Variants in DNAH8 observed in about 807,000 individuals in gnomAD.
DNAH8 encodes axonemal beta dynein heavy chain 8.
A neutral mutation model predicts 562.1 loss-of-function variants in DNAH8; 382 were observed. The ratio of observed to expected loss-of-function variants is 0.68; its 90% CI spans 0.63 to 0.74. The LOEUF is 0.74. Among genes scored for constraint, DNAH8 ranks in the 30% least tolerant of loss-of-function variants. The pLI, the probability that DNAH8 is intolerant of heterozygous loss-of-function variation, is 0.00. For synonymous variants in DNAH8, 1,881 were observed against 1,919.4 expected (o/e 0.98, Z 0.52); for missense variants, 5,203 against 5,620.4 (o/e 0.93, Z 2.37).
At chr6:38,738,698 G>A (rs781254317) in intron 7 of DNAH8, among the ~76,000 whole-genome samples, 6 of 152,234 alleles carry the variant, frequency 3.9e-5, no homozygotes, top group African/African-American at 1.4e-4. Flanking sequence ...ACAGAAAAGC[G>A]TTTCCAGTTT....
At position 38,842,444 on chromosome 6, in the gene DNAH8, A is replaced by G. The variant is rs1554226304; in HGVS notation, c.4543A>G (p.Ile1515Val). Reference sequence around the variant, plus strand: ...GAGCAGTATTAGTGGTTATTATGAAATACTTTGGGGAGATGTAGATATTGA... The same window carrying G: ...GAGCAGTATTAGTGGTTATTATGAAGTACTTTGGGGAGATGTAGATATTGA... ...VMSSISGYYE[I>V]LWGDVDIEKI... Residue 1515 changes from isoleucine (I) to valine (V), a missense_variant, in exon 34 of 93, where the codon ATA (isoleucine) becomes GTA (valine). Physicochemically the swap from Ile to Val is conservative, Grantham distance 29 (BLOSUM62 3). Coordinates refer to ENST00000327475, the MANE Select transcript of DNAH8 (RefSeq NM_001206927.2). 6.2e-7 allele frequency: 1 copy of G among 1,613,288 alleles called. No homozygotes were observed.
intron 31 of DNAH8, among the ~76,000 whole-genome samples, chr6:38,833,436 T>A (rs901514194): frequency 6.6e-6 from 1 of 152,112 alleles, no homozygotes; most frequent in African/African-American, 2.4e-5. Context: ...TTAAAGTAAA[T>A]TTAAAATGGA....
intron 88 of DNAH8, among the ~76,000 whole-genome samples, chr6:39,005,605 T>C (rs969949849): frequency 1.3e-5 from 2 of 151,632 alleles, no homozygotes; most frequent in East Asian, 3.9e-4. Flanking sequence ...AAACTGAACA[T>C]ATTTTCATGT....
chr6:38,850,813 T>C (rs1562989570), intron 38 of DNAH8, among the ~76,000 whole-genome samples: 2 of 152,180 alleles, frequency 1.3e-5, no homozygotes, highest in Non-Finnish European at 2.9e-5. Context: ...CCAATCTCTG[T>C]CTCTGTCTTC....
intron 57 of DNAH8, among the ~76,000 whole-genome samples, chr6:38,888,857 C>T (rs1178473232): frequency 2.0e-5 from 3 of 152,220 alleles, no homozygotes; most frequent in Non-Finnish European, 4.4e-5. Context: ...GGCGTGTGCC[C>T]ATCCCTAGCA....
At chr6:38,937,875 G>A (rs1783094635) in intron 77 of DNAH8, 99 bp from the exon 78 acceptor site, 2 of 1,422,654 alleles carry the variant, frequency 1.4e-6, no homozygotes, top group Admixed American at 4.2e-5. Context: ...GAGACATCAA[G>A]TTGAAAGCTA....
intron 57 of DNAH8, among the ~76,000 whole-genome samples, chr6:38,890,226 T>C (rs1266478169): frequency 6.6e-6 from 1 of 151,674 alleles, no homozygotes; most frequent in East Asian, 1.9e-4. Flanking sequence ...CCTGGTCTCC[T>C]TCTCTGTAAG....
intron 17 of DNAH8, among the ~76,000 whole-genome samples, chr6:38,786,484 A>G (rs1048014805): frequency 8.9e-4 from 136 of 152,222 alleles, no homozygotes; most frequent in African/African-American, 3.2e-3. Flanking sequence ...TATTCAACCC[A>G]CTCAGAAAAA....
At position 38,894,836 on chromosome 6, in the gene DNAH8, C is replaced by T; in HGVS notation, c.8719C>T (p.His2907Tyr). ...CCCTACTCTCCTGTCCCTTTTCAAA[C>T]ACGAGTGCAGCAGAGTAATTGCAGA... ...SIPTLLSLFK[H>Y]ECSRVIADRF... is the part of the protein sequence containing the mutation. The change falls in exon 59 of 93, where the codon CAC (histidine) becomes TAC (tyrosine). Residue 2907 changes from histidine to tyrosine, a missense_variant. Around this residue, in one of 6 missense-constraint regions of DNAH8, gnomAD observed 977 missense variants for 1,061.8 expected, o/e 0.92. Coordinates refer to ENST00000327475, the MANE Select transcript of DNAH8 (RefSeq NM_001206927.2). 6.2e-7 allele frequency: 1 copy of T among 1,613,988 alleles called. No homozygotes were observed. The highest frequency in any genetic ancestry group is 8.5e-7 in the Non-Finnish European group (1 of 1,179,958).
Position 38,733,527 on chromosome 6 carries a change from A to G in DNAH8, c.611-947A>G, listed in dbSNP as rs76762650. ...GGTAAAAGGTTGGGGATGGGATAGG[A>G]GAACAGGTTGTATAAGGCCCTGAGG... On this transcript the variant is annotated intron_variant, in intron 4 of 92. Coordinates refer to ENST00000327475, the MANE Select transcript of DNAH8 (RefSeq NM_001206927.2). Among the ~76,000 whole-genome samples, 1,320 of 152,264 alleles carry G rather than the reference A, an allele frequency of 8.7e-3. 20 individuals are homozygous for G. Among genetic ancestry groups the G allele is most frequent in the African/African-American group, 0.03 (1,244 of 41,544 alleles).
intron 21 of DNAH8, among the ~76,000 whole-genome samples, chr6:38,796,670 G>C (rs1314881924): frequency 6.6e-6 from 1 of 152,104 alleles, no homozygotes; most frequent in African/African-American, 2.4e-5. Context: ...CTGATTACCG[G>C]TGCATGCAGC....
chr6:38,742,022 A>G (rs943453572), intron 8 of DNAH8, 135 bp downstream of exon 8: 4 of 617,900 alleles, frequency 6.5e-6, no homozygotes, highest in Admixed American at 7.7e-5. Context: ...GCTTTTACAT[A>G]TATCACAGTT....
At chr6:38,811,358 T>C (rs1177088184) in intron 24 of DNAH8, among the ~76,000 whole-genome samples, 1 of 152,188 alleles carries the variant, frequency 6.6e-6, no homozygotes, top group African/African-American at 2.4e-5. Context: ...ACACTGGACA[T>C]GTGGTTATTT....
At chr6:39,003,476 A>G (rs1034571387) in intron 88 of DNAH8, among the ~76,000 whole-genome samples, 2 of 152,210 alleles carry the variant, frequency 1.3e-5, no homozygotes, top group Non-Finnish European at 2.9e-5. Flanking sequence ...AGAAGCATAA[A>G]CAATAGAGAA....
chr6:38,755,948 T>G (rs988131569), intron 9 of DNAH8, 24 bp from the exon 10 acceptor site: 2 of 1,270,536 alleles, frequency 1.6e-6, no homozygotes, highest in African/African-American at 1.5e-5. Flanking sequence ...ATGATGGAAT[T>G]CACTTAATTT....
At chr6:39,029,084 T>C (rs1485084435) in intron 92 of DNAH8, among the ~76,000 whole-genome samples, 1 of 152,192 alleles carries the variant, frequency 6.6e-6, no homozygotes, top group Non-Finnish European at 1.5e-5. Flanking sequence ...TCAGCCTTTC[T>C]TTTTTTAGTG....
intron 16 of DNAH8, 53 bp downstream of exon 16, chr6:38,781,426 A>C (rs1582988549): frequency 8.5e-7 from 1 of 1,170,530 alleles, no homozygotes; most frequent in Non-Finnish European, 1.2e-6. Flanking sequence ...TTAATATAAC[A>C]AATATATCAT....
intron 12 of DNAH8, among the ~76,000 whole-genome samples, chr6:38,772,800 AT>A (rs1158983073): frequency 1.3e-5 from 2 of 151,588 alleles, no homozygotes; most frequent in Non-Finnish European, 2.9e-5. Flanking sequence ...TGCACAATAG[AT>A]TTTTTTAAAC....
chr6:38,849,750 T>C (rs1207702561), intron 37 of DNAH8, among the ~76,000 whole-genome samples: 1 of 152,182 alleles, frequency 6.6e-6, no homozygotes, highest in Non-Finnish European at 1.5e-5. Context: ...ATATCATTCA[T>C]AGTAAATAGA....
Sources: gnomAD v4.1 joint callset for allele counts (sites outside exome capture counted in the v4.1 genomes callset) on GRCh38, gnomAD v4.1.1 for gene constraint, gnomAD v4.1.1 regional missense constraint, MANE v1.5 for transcripts, NCBI Gene and HGNC (gene_info 2026-07-23, HGNC 2026-07-21) for gene names.